AP3S1: variants seen among roughly 807,000 people sequenced by gnomAD.
AP3S1 encodes adaptor related protein complex 3 subunit sigma 1.
AP3S1 carries 12 observed loss-of-function variants against 21.3 expected under a neutral mutation model. The observed-to-expected ratio is 0.56, with a 90% CI of 0.36 to 0.91. AP3S1 has a LOEUF of 0.91. Ranked by LOEUF, AP3S1 falls within the 40% of genes least tolerant of loss-of-function variation. The pLI is 0.01. For synonymous variants in AP3S1, 48 were observed against 78.4 expected, an observed-to-expected ratio of 0.61 and a Z score of 2.05; for missense variants, 116 against 225.0, an observed-to-expected ratio of 0.52 and a Z score of 3.10.
intron 1 of AP3S1, among the ~76,000 whole-genome samples, chr5:115,848,753 T>C (rs26529): frequency 0.31 from 46,973 of 152,096 alleles, 7,754 homozygotes; most frequent in South Asian, 0.46. Context: ...AACTTCTTGT[T>C]GTATAAAACT....
chr5:115,844,213 C>T (rs1413267397), intron 1 of AP3S1, among the ~76,000 whole-genome samples: 10 of 152,034 alleles, frequency 6.6e-5, no homozygotes, highest in Admixed American at 6.6e-4. Context: ...AGTTTGTCAA[C>T]GGATAAATTT....
intron 5 of AP3S1, among the ~76,000 whole-genome samples, chr5:115,912,433 G>A (rs1176810621): frequency 6.6e-6 from 1 of 151,964 alleles, no homozygotes; most frequent in African/African-American, 2.4e-5. Flanking sequence ...TAACGTAGGT[G>A]AGAAAAATGA....
intron 1 of AP3S1, among the ~76,000 whole-genome samples, chr5:115,859,064 C>G (rs1387787812): frequency 6.6e-6 from 1 of 152,084 alleles, no homozygotes; most frequent in East Asian, 1.9e-4. Flanking sequence ...TTGTCTTCAG[C>G]TGTCCAATAA....
intron 1 of AP3S1, among the ~76,000 whole-genome samples, chr5:115,850,233 G>C (rs1762342805): frequency 1.3e-5 from 2 of 152,104 alleles, no homozygotes; most frequent in African/African-American, 4.8e-5. Context: ...CCACTGAATT[G>C]TTTTGATTAC....
At chr5:115,845,890 A>C (rs1361642549) in intron 1 of AP3S1, among the ~76,000 whole-genome samples, 3 of 148,024 alleles carry the variant, frequency 2.0e-5, no homozygotes, top group Non-Finnish European at 4.5e-5. Context: ...GTCTGGACTC[A>C]AAATGCATCC....
At chr5:115,866,542 C>T in intron 1 of AP3S1, 128 bp from the exon 2 acceptor site, 1 of 491,460 alleles carries the variant, frequency 2.0e-6, no homozygotes. Flanking sequence ...ATTTAAGTCA[C>T]TTCTCCAAGG....
At chr5:115,868,807 A>AG (rs1341658134) in intron 2 of AP3S1, among the ~76,000 whole-genome samples, 2 of 151,664 alleles carry the variant, frequency 1.3e-5, no homozygotes, top group Non-Finnish European at 2.9e-5. Context: ...GCTTGAAGCC[A>AG]GGAGGCAGAG....
At chr5:115,872,620 G>T (rs973583566) in intron 3 of AP3S1, among the ~76,000 whole-genome samples, 1 of 151,996 alleles carries the variant, frequency 6.6e-6, no homozygotes, top group African/African-American at 2.4e-5. Context: ...AGATCCCTTG[G>T]GTATATGTTC....
intron 2 of AP3S1, among the ~76,000 whole-genome samples, chr5:115,868,282 A>G (rs1747875631): frequency 6.6e-6 from 1 of 152,204 alleles, no homozygotes; most frequent in South Asian, 2.1e-4. Context: ...AGTAAAGCAA[A>G]AGTTTTAAGA....
chr5:115,860,010 G>T lies in AP3S1; in HGVS notation c.70-6660G>T, dbSNP rs566335867. Among the ~76,000 whole-genome samples, 9 of 152,246 alleles carry T rather than the reference G, an allele frequency of 5.9e-5. No individual in the cohort carries two copies. The South Asian group carries it at 1.7e-3, about 28-fold the overall frequency. On this transcript the variant is annotated intron_variant, in intron 1 of 5. Transcript: ENST00000316788. ...GTTCTGTAGGTAAGAAGTCAGATGT[G>T]GGTTTTACTGGACTAAAATCAAGGT...
chr5:115,886,106 C>T (rs1213505720), intron 3 of AP3S1, among the ~76,000 whole-genome samples: 1 of 152,102 alleles, frequency 6.6e-6, no homozygotes, highest in African/African-American at 2.4e-5. Flanking sequence ...TAGTGGTTAA[C>T]CTTTTGCTTT....
intron 3 of AP3S1, among the ~76,000 whole-genome samples, chr5:115,871,912 A>G (rs768503296): frequency 6.6e-6 from 1 of 152,216 alleles, no homozygotes; most frequent in African/African-American, 2.4e-5. Flanking sequence ...GTTAGCAAGA[A>G]GGTGGCATGG....
rs368924439 is a variant in AP3S1, at chr5:115,852,407, G to C, written c.69+10301G>C. Among the ~76,000 whole-genome samples, 5 of 152,050 alleles carry C rather than the reference G, an allele frequency of 3.3e-5. No homozygotes were observed. In the South Asian group the frequency reaches 8.3e-4, roughly 25 times the overall value. On this transcript the variant is annotated intron_variant, in intron 1 of 5. Transcript: ENST00000316788. ...AAGTATGGCTGTAAAAGTTGCCCCAGCTTCTTTCATTTTCTCTGAGAAATT... is the reference window on the plus strand; with the variant it reads ...AAGTATGGCTGTAAAAGTTGCCCCACCTTCTTTCATTTTCTCTGAGAAATT...
chr5:115,882,569 G>T (rs1749395446), intron 3 of AP3S1, among the ~76,000 whole-genome samples: 1 of 152,194 alleles, frequency 6.6e-6, no homozygotes, highest in South Asian at 2.1e-4. Flanking sequence ...CCTTCCTCTG[G>T]AAGGTTCGTC....
rs111376020 is a variant in AP3S1, at chr5:115,876,379, A to G, written c.273+6251A>G. Among the ~76,000 whole-genome samples, 483 of 152,280 alleles carry G rather than the reference A, an allele frequency of 3.2e-3. 4 individuals are homozygous for G. The highest frequency in any genetic ancestry group is 0.01 in the African/African-American group (431 of 41,564). On this transcript the variant is annotated intron_variant, in intron 3 of 5. Transcript: ENST00000316788. The stretch of plus-strand genomic sequence containing the variant: ...CTTAAAATTTATTTTCTTCCCTTCA[A>G]TGTAGGTTTAAGAGAAAAACTCAGG...
chr5:115,904,398 G>C (rs1751470627), intron 5 of AP3S1, among the ~76,000 whole-genome samples: 1 of 152,158 alleles, frequency 6.6e-6, no homozygotes, highest in South Asian at 2.1e-4. Context: ...ACAGGGTGAA[G>C]AATAAATCTC....
chr5:115,862,404 A>G (rs530120082), intron 1 of AP3S1, among the ~76,000 whole-genome samples: 5 of 152,368 alleles, frequency 3.3e-5, no homozygotes, highest in Non-Finnish European at 4.4e-5. Context: ...ATTTACTACC[A>G]TAAAATATAT....
intron 4 of AP3S1, among the ~76,000 whole-genome samples, chr5:115,902,141 C>T (rs1292706750): frequency 6.6e-6 from 1 of 152,126 alleles, no homozygotes; most frequent in Non-Finnish European, 1.5e-5. Context: ...ATTTTGGAGT[C>T]TCCATTTCTA....
chr5:115,910,393 G>A (rs150110326), intron 5 of AP3S1, among the ~76,000 whole-genome samples: 206 of 152,226 alleles, frequency 1.4e-3, no homozygotes, highest in African/African-American at 4.8e-3. Context: ...TGAAATTGCG[G>A]GTAAGGGGGG....
Sources: gnomAD v4.1 joint callset for allele counts (sites outside exome capture counted in the v4.1 genomes callset) on GRCh38, gnomAD v4.1.1 for gene constraint, MANE v1.5 for transcripts, NCBI Gene and HGNC (gene_info 2026-07-23, HGNC 2026-07-21) for gene names.